Variants in NCOA6 observed in about 807,000 individuals in gnomAD.
NCOA6 encodes NRC RAP250.
NCOA6 carries 49 observed loss-of-function variants against 171.4 expected under a neutral mutation model. The ratio of observed to expected loss-of-function variants is 0.29; its 90% CI spans 0.23 to 0.36. The LOEUF (loss-of-function observed/expected upper bound fraction) is 0.36, where lower values mean the gene tolerates loss of function less well. Among genes scored for constraint, NCOA6 ranks in the 10% least tolerant of loss-of-function variants. NCOA6 has a pLI of 1.00. For missense variants in NCOA6, 2,248 were observed against 2,554.5 expected, an observed-to-expected ratio of 0.88 and a Z score of 2.59; for synonymous variants, 910 against 927.5, an observed-to-expected ratio of 0.98 and a Z score of 0.34.
At position 34,732,437 on chromosome 20, in the gene NCOA6, G is replaced by A. The variant is rs2075815752; in HGVS notation, c.5999+122C>T. 1.3e-5 allele frequency: 11 copies of A among 859,344 alleles called. No homozygotes were observed. In the South Asian group the frequency reaches 2.1e-4, roughly 16 times the overall value. 53.2% of individuals were successfully genotyped at this position (859,344 alleles called of 1,614,324 possible). A position where few individuals can be genotyped will look rare whatever the true frequency, so the allele number is the denominator to read the frequency against. On this transcript the variant is annotated intron_variant, in intron 13 of 14. Coordinates refer to ENST00000359003, the MANE Select transcript of NCOA6 (RefSeq NM_014071.5). Reference sequence around the variant, plus strand: ...GCTCTCTACGTTAGCAGTAAAAACAGACTGGTGCAAGAGTGAAGGAAAAGG... The same window carrying A: ...GCTCTCTACGTTAGCAGTAAAAACAAACTGGTGCAAGAGTGAAGGAAAAGG...
intron 1 of NCOA6, among the ~76,000 whole-genome samples, chr20:34,793,021 G>T (rs775840685): frequency 2.0e-5 from 3 of 151,846 alleles, no homozygotes; most frequent in African/African-American, 7.3e-5. Flanking sequence ...GGGCTCAAGC[G>T]ATCCACCCGC....
At position 34,742,574 on chromosome 20, in the gene NCOA6, G is replaced by C. The variant is rs202178436; in HGVS notation, c.3682C>G (p.Arg1228Gly). 1 of 1,614,174 alleles carries C rather than the reference G, an allele frequency of 6.2e-7. No individual in the cohort carries two copies. ...TCTGAAGGTTCTGTGCTGGGAGGGCGGTTGTTGGGTGTCTGAGGATAATAG... is the reference window on the plus strand; with the variant it reads ...TCTGAAGGTTCTGTGCTGGGAGGGCCGTTGTTGGGTGTCTGAGGATAATAG... ...RPYYPQTPNN[R>G]PPSTEPSEIS... The change falls in exon 11 of 15, where the codon CGC becomes GGC. Residue 1228 changes from arginine to glycine, a missense_variant. Transcript: ENST00000359003.
rs1464172303 is a variant in NCOA6, at chr20:34,742,819, C to T, written c.3437G>A (p.Gly1146Asp). The part of the protein sequence containing the change: ...SGSEAPSVPG[G>D]PNNMPSHVVL... Reference sequence around the variant, plus strand: ...TACATGTGAAGGCATGTTGTTTGGGCCTCCTGGGACAGATGGTGCTTCACT... The same window carrying T: ...TACATGTGAAGGCATGTTGTTTGGGTCTCCTGGGACAGATGGTGCTTCACT... Residue 1146 changes from glycine to aspartate, a missense_variant, in exon 11 of 15, where the codon GGC (glycine) becomes GAC (aspartate). By Grantham distance (94) the Gly-to-Asp change is moderately conservative (BLOSUM62 -1). Around this residue, in one of 7 missense-constraint regions of NCOA6, gnomAD observed 352 missense variants for 419.1 expected, o/e 0.84. Coordinates refer to ENST00000359003, the MANE Select transcript of NCOA6 (RefSeq NM_014071.5). 2 of 1,614,150 alleles carry T rather than the reference C, an allele frequency of 1.2e-6. No homozygotes were observed. The highest frequency in any genetic ancestry group is 1.1e-5 in the South Asian group (1 of 91,078).
chr20:34,750,886 T>C (rs2076455985), intron 8 of NCOA6, among the ~76,000 whole-genome samples: 1 of 152,148 alleles, frequency 6.6e-6, no homozygotes, highest in Admixed American at 6.5e-5. Flanking sequence ...GGGTGGTTCA[T>C]GCCTGTAATC....
At chr20:34,736,002 T>C (rs148143304) in intron 12 of NCOA6, among the ~76,000 whole-genome samples, 79 of 152,216 alleles carry the variant, frequency 5.2e-4, no homozygotes, top group African/African-American at 1.8e-3. Flanking sequence ...AACTAAACTG[T>C]ACCATATCTG....
chr20:34,820,560 C>T (rs1186117280), intron 1 of NCOA6: 1 of 152,042 alleles, frequency 6.6e-6, no homozygotes, highest in Non-Finnish European at 1.5e-5. Context: ...CACTTGAGGT[C>T]AGGAGTTTGA....
Position 34,746,824 on chromosome 20 carries a change from A to G in NCOA6, c.2897T>C (p.Phe966Ser). The change falls in exon 10 of 15, where the codon TTT becomes TCT. Residue 966 changes from phenylalanine to serine, a missense_variant. This residue lies in a region of NCOA6 where 352 missense variants were observed against 419.1 expected (regional missense o/e 0.84). Transcript: ENST00000359003. ...TTTATCACCTGGTGGCCGGTTTGAA[A>G]ATTCTGGCAGTTTAGGGCCTGAGTT... is the stretch of plus-strand genomic sequence containing the variant. ...LDNSGPKLPE[F>S]SNRPPGYPSQ... The G allele has an allele frequency of 6.2e-7, 1 of 1,608,196 alleles. No individual in the cohort carries two copies.
intron 2 of NCOA6, among the ~76,000 whole-genome samples, chr20:34,784,638 G>A (rs939364792): frequency 1.3e-5 from 2 of 152,060 alleles, no homozygotes; most frequent in African/African-American, 4.8e-5. Context: ...AAAATTAACT[G>A]GGTGTGGTGG....
chr20:34,817,197 CAGATTCAATATCAGTA>C (rs2078868604), intron 1 of NCOA6, among the ~76,000 whole-genome samples: 1 of 70,038 alleles, frequency 1.4e-5, no homozygotes, highest in Admixed American at 1.2e-4. Flanking sequence ...TGATATTCAA[CAGATTCAATATCAGTA>C]AAGGAGCTGA....
At chr20:34,739,862 GCTCT>G (rs1367570562) in intron 11 of NCOA6, among the ~76,000 whole-genome samples, 5 of 152,120 alleles carry the variant, frequency 3.3e-5, no homozygotes, top group Admixed American at 2.0e-4. Context: ...GAGAGCCTTA[GCTCT>G]CTGTTTTGTT....
At chr20:34,755,234 C>T (rs1699268082) in intron 7 of NCOA6, among the ~76,000 whole-genome samples, 1 of 152,058 alleles carries the variant, frequency 6.6e-6, no homozygotes, top group Non-Finnish European at 1.5e-5. Context: ...AACACAGGCA[C>T]CAAAGGAATA....
At chr20:34,775,622 T>C (rs1600969986) in intron 4 of NCOA6, among the ~76,000 whole-genome samples, 2 of 134,796 alleles carry the variant, frequency 1.5e-5, no homozygotes, top group Admixed American at 8.3e-5. Context: ...GAGGTGGAGG[T>C]TGCAGTGAGC....
chr20:34,790,361 TTTAA>T (rs1238835977), intron 2 of NCOA6, among the ~76,000 whole-genome samples: 11 of 152,074 alleles, frequency 7.2e-5, no homozygotes, highest in African/African-American at 2.4e-4. Flanking sequence ...TATTTATTTA[TTTAA>T]TTATTTTGAG....
chr20:34,767,351 C>G (rs1406845943), intron 5 of NCOA6, among the ~76,000 whole-genome samples: 1 of 152,072 alleles, frequency 6.6e-6, no homozygotes, highest in Non-Finnish European at 1.5e-5. Context: ...GGCTGGAGTG[C>G]AGGGTGCGAT....
intron 2 of NCOA6, among the ~76,000 whole-genome samples, chr20:34,786,991 G>T (rs1266856415): frequency 6.6e-6 from 1 of 152,002 alleles, no homozygotes; most frequent in African/African-American, 2.4e-5. Flanking sequence ...AAAATAAAGA[G>T]CTTCTGCACA....
chr20:34,797,161 T>C (rs2078104995), intron 1 of NCOA6, among the ~76,000 whole-genome samples: 1 of 152,146 alleles, frequency 6.6e-6, no homozygotes, highest in African/African-American at 2.4e-5. Flanking sequence ...AAGGAGTAAT[T>C]GTGCCACCTC....
At chr20:34,822,301 C>T (rs2079030685) in intron 1 of NCOA6, among the ~76,000 whole-genome samples, 1 of 152,186 alleles carries the variant, frequency 6.6e-6, no homozygotes, top group Non-Finnish European at 1.5e-5. Flanking sequence ...CCTTCACAAC[C>T]AGGTTCCTAA....
Position 34,715,307 on chromosome 20 carries a change from C to CA in NCOA6, c.*14_*15insT. ...TCACACACATTTCCAAGTATCAAGT[C>CA]GCAGTCCTGCTTGTTTACTTGGATT... On this transcript the variant is annotated 3_prime_UTR_variant, in exon 15 of 15. Transcript: ENST00000359003. The CA allele has an allele frequency of 6.2e-7, 1 of 1,613,880 alleles. No individual in the cohort carries two copies. The highest frequency in any genetic ancestry group is 8.5e-7 in the Non-Finnish European group (1 of 1,179,838).
chr20:34,752,705 G>A (rs1348468965), intron 8 of NCOA6, among the ~76,000 whole-genome samples: 1 of 152,078 alleles, frequency 6.6e-6, no homozygotes, highest in East Asian at 1.9e-4. Context: ...AAGGTGGGTG[G>A]ATCACCTGAG....
Sources: allele counts gnomAD v4.1 joint callset (sites outside exome capture counted in the v4.1 genomes callset), GRCh38; gene constraint gnomAD v4.1.1; regional missense constraint gnomAD v4.1.1; transcripts MANE v1.5; gene names NCBI Gene and HGNC (gene_info 2026-07-23, HGNC 2026-07-21).